The following CFAP299 variants were observed in gnomAD, a reference collection of about 807,000 sequenced individuals.
CFAP299 encodes cilia and flagella associated protein 299, also known as cilia- and flagella-associated protein 299.
CFAP299 carries 21 observed loss-of-function variants against 27.0 expected under a neutral mutation model. The observed-to-expected ratio is 0.78, with a 90% CI of 0.55 to 1.12. CFAP299 has a LOEUF of 1.12. Among genes scored for constraint, CFAP299 ranks in the 50% most tolerant of loss-of-function variants. The pLI, the probability that CFAP299 is intolerant of heterozygous loss-of-function variation, is 0.00. For missense variants in CFAP299, 310 were observed against 276.6 expected (o/e 1.12, Z -0.86); for synonymous variants, 104 against 98.1 (o/e 1.06, Z -0.36).
intron 3 of CFAP299, among the ~76,000 whole-genome samples, chr4:80,822,399 C>A (rs767876523): frequency 6.6e-6 from 1 of 151,932 alleles, no homozygotes; most frequent in Non-Finnish European, 1.5e-5. Context: ...AGTGATAGAT[C>A]AAGGGTAATA....
At chr4:80,757,999 G>A (rs879553655) in intron 3 of CFAP299, among the ~76,000 whole-genome samples, 28 of 152,176 alleles carry the variant, frequency 1.8e-4, no homozygotes, top group African/African-American at 6.8e-4. Context: ...AGGCCCTGTG[G>A]CAGTGACTGG....
chr4:80,748,952 T>C (rs1457995794), intron 3 of CFAP299, among the ~76,000 whole-genome samples: 1 of 152,208 alleles, frequency 6.6e-6, no homozygotes, highest in Non-Finnish European at 1.5e-5. Context: ...AATACAACAG[T>C]ATGAATACCA....
intron 4 of CFAP299, among the ~76,000 whole-genome samples, chr4:80,909,052 A>G (rs1237987834): frequency 6.6e-6 from 1 of 152,174 alleles, no homozygotes; most frequent in African/African-American, 2.4e-5. Context: ...TTCATGCTAT[A>G]CATACATAGT....
chr4:80,847,204 T>A (rs1428620922), intron 3 of CFAP299, among the ~76,000 whole-genome samples: 1 of 152,206 alleles, frequency 6.6e-6, no homozygotes, highest in Non-Finnish European at 1.5e-5. Flanking sequence ...TCCACCCTGC[T>A]CTACCCAGGA....
At chr4:80,642,874 CAG>C (rs1339670612) in intron 3 of CFAP299, among the ~76,000 whole-genome samples, 2 of 152,070 alleles carry the variant, frequency 1.3e-5, no homozygotes, top group Non-Finnish European at 2.9e-5. Flanking sequence ...GTTCACAAAA[CAG>C]ACAAAAACAA....
At chr4:80,493,931 AC>A (rs1051913384) in intron 2 of CFAP299, among the ~76,000 whole-genome samples, 28 of 150,598 alleles carry the variant, frequency 1.9e-4, no homozygotes, top group Middle Eastern at 3.4e-3. Flanking sequence ...GCCCGCCACC[AC>A]GCCCGGCTAA....
chr4:80,864,430 GTATA>G (rs34724841), intron 3 of CFAP299, among the ~76,000 whole-genome samples: 31 of 133,568 alleles, frequency 2.3e-4, no homozygotes, highest in East Asian at 8.5e-4. Context: ...ATATATATAG[GTATA>G]TATATATATA....
chr4:80,711,951 A>G (rs1722200544), intron 3 of CFAP299, among the ~76,000 whole-genome samples: 1 of 152,168 alleles, frequency 6.6e-6, no homozygotes, highest in Non-Finnish European at 1.5e-5. Context: ...TCAGTGTTTA[A>G]AATTGCATCC....
chr4:80,880,452 C>T (rs937261980), intron 4 of CFAP299, among the ~76,000 whole-genome samples: 6 of 152,076 alleles, frequency 3.9e-5, no homozygotes, highest in African/African-American at 1.4e-4. Context: ...ATATAATCGT[C>T]CAGGTGTAGT....
chr4:80,802,826 T>C (rs981179954), intron 3 of CFAP299, among the ~76,000 whole-genome samples: 6 of 152,052 alleles, frequency 3.9e-5, no homozygotes, highest in African/African-American at 1.4e-4. Context: ...TTGCATTCCA[T>C]ATTGTGACAC....
chr4:80,739,638 T>G lies in CFAP299; in HGVS notation c.334-130355T>G, dbSNP rs148288668. ...TTTATTCATCCTAGATCTTCAAAGT[T>G]TGATTAAGTCCCCTGACATAGTCTT... On this transcript the variant is annotated intron_variant, in intron 3 of 5. Transcript: ENST00000358105. 6.1e-3 allele frequency among the ~76,000 whole-genome samples: 929 copies of G among 152,222 alleles called. 6 individuals carry two copies. Among genetic ancestry groups the G allele is most frequent in the African/African-American group, 0.021 (876 of 41,548 alleles).
At position 80,359,367 on chromosome 4, in the gene CFAP299, T is replaced by A. The variant is rs185327527; in HGVS notation, c.112-3387T>A. 1.4e-3 allele frequency among the ~76,000 whole-genome samples: 215 copies of A among 152,278 alleles called. 1 individual carries two copies. The South Asian group carries it at 0.026, about 18-fold the overall frequency. On this transcript the variant is annotated intron_variant, in intron 1 of 5. Transcript: ENST00000358105. ...TTTTCTGAATTTTAAAATTGTCCCC[T>A]CTATCTAGATTGGAGAATTTCTTTG...
intron 2 of CFAP299, among the ~76,000 whole-genome samples, chr4:80,446,566 C>T (rs968732311): frequency 2.1e-4 from 32 of 152,204 alleles, no homozygotes; most frequent in African/African-American, 7.0e-4. Flanking sequence ...ACTATTTGGG[C>T]CTTTGAGCCA....
chr4:80,375,030 T>C (rs1724334045), intron 2 of CFAP299, among the ~76,000 whole-genome samples: 1 of 151,888 alleles, frequency 6.6e-6, no homozygotes, highest in Admixed American at 6.6e-5. Flanking sequence ...TCTGGCAAAT[T>C]CAGTGCTAGA....
At chr4:80,700,972 A>G (rs889611922) in intron 3 of CFAP299, among the ~76,000 whole-genome samples, 2 of 152,016 alleles carry the variant, frequency 1.3e-5, no homozygotes, top group Non-Finnish European at 1.5e-5. Flanking sequence ...ATCTTTATAG[A>G]TCCTCAGAAC....
At chr4:80,858,247 G>T (rs1357137663) in intron 3 of CFAP299, among the ~76,000 whole-genome samples, 1 of 151,888 alleles carries the variant, frequency 6.6e-6, no homozygotes, top group Non-Finnish European at 1.5e-5. Flanking sequence ...TGGGATCGGT[G>T]GTGATATCCC....
In CFAP299 at chr4:80,473,626, A is replaced by G. The variant is rs536717815; in HGVS notation, c.243-109467A>G. On this transcript the variant is annotated intron_variant, in intron 2 of 5. Coordinates refer to ENST00000358105, the MANE Select transcript of CFAP299 (RefSeq NM_152770.3). The stretch of plus-strand genomic sequence containing the variant: ...CACCTTGTTGCCCAAGCTGGAGTAC[A>G]GTGGTGCGATCACAGCTCACTGCAG... Among the ~76,000 whole-genome samples, 3 of 152,210 alleles carry G rather than the reference A, an allele frequency of 2.0e-5. No individual in the cohort carries two copies. In the South Asian group the frequency reaches 6.2e-4, roughly 32 times the overall value.
At chr4:80,830,492 G>T (rs1730241203) in intron 3 of CFAP299, among the ~76,000 whole-genome samples, 1 of 152,018 alleles carries the variant, frequency 6.6e-6, no homozygotes, top group Non-Finnish European at 1.5e-5. Context: ...CATATTCTAA[G>T]AATGAATGGC....
In CFAP299 at chr4:80,788,001, C is replaced by T. The variant is rs531411795; in HGVS notation, c.334-81992C>T. Among the ~76,000 whole-genome samples the T allele has an allele frequency of 9.2e-5, 14 of 152,078 alleles. No individual in the cohort carries two copies. In the South Asian group the frequency reaches 2.9e-3, roughly 32 times the overall value. The stretch of plus-strand genomic sequence containing the variant: ...CAAACTTCAGTGTGCACCAAAATTA[C>T]TAAAATACAGATTCCTGCGACTCAC... On this transcript the variant is annotated intron_variant, in intron 3 of 5. Transcript: ENST00000358105.
Sources: gnomAD v4.1 joint callset for allele counts (sites outside exome capture counted in the v4.1 genomes callset) on GRCh38, gnomAD v4.1.1 for gene constraint, MANE v1.5 for transcripts, NCBI Gene and HGNC (gene_info 2026-07-23, HGNC 2026-07-21) for gene names.